Variants in TMEFF2 observed in about 807,000 individuals in gnomAD.
TMEFF2 encodes the protein transmembrane protein with EGF like and two follistatin like domains 2.
TMEFF2 carries 28 observed loss-of-function variants against 53.8 expected under a neutral mutation model. The ratio of observed to expected loss-of-function variants is 0.52; its 90% CI spans 0.39 to 0.71. The LOEUF is 0.71. Among genes scored for constraint, TMEFF2 ranks in the 30% least tolerant of loss-of-function variants. TMEFF2 has a pLI of 0.00. For synonymous variants in TMEFF2, 162 were observed against 166.3 expected (o/e 0.97, Z 0.20); for missense variants, 353 against 455.2 (o/e 0.78, Z 2.04).
At chr2:192,112,176 T>G (rs771009784) in intron 4 of TMEFF2, among the ~76,000 whole-genome samples, 5 of 152,162 alleles carry the variant, frequency 3.3e-5, no homozygotes, top group Non-Finnish European at 5.9e-5. Flanking sequence ...GTAGATCCAC[T>G]GACAGCTTGC....
intron 7 of TMEFF2, among the ~76,000 whole-genome samples, chr2:191,957,431 A>C (rs538800147): frequency 6.6e-6 from 1 of 152,310 alleles, no homozygotes; most frequent in Non-Finnish European, 1.5e-5. Context: ...GAAAATGGCA[A>C]ATGAATTCCT....
chr2:192,142,336 C>A (rs967219942), intron 4 of TMEFF2, among the ~76,000 whole-genome samples: 2 of 151,998 alleles, frequency 1.3e-5, no homozygotes, highest in Non-Finnish European at 2.9e-5. Context: ...GTTTGAAGAT[C>A]TGGCATATTT....
At chr2:192,114,100 G>T (rs1275748404) in intron 4 of TMEFF2, among the ~76,000 whole-genome samples, 1 of 150,192 alleles carries the variant, frequency 6.7e-6, no homozygotes, top group Non-Finnish European at 1.5e-5. Context: ...GTGTGTGTGT[G>T]TGTGTGTGAT....
Position 191,950,337 on chromosome 2 carries a change from TTGTATTGTCTGAAC to T in TMEFF2, c.1085_1098del (p.Ser362AsnfsTer60). The T allele has an allele frequency of 1.2e-6, 2 of 1,613,714 alleles. No homozygotes were observed. Among genetic ancestry groups the T allele is most frequent in the Non-Finnish European group, 1.7e-6 (2 of 1,179,774 alleles). On this transcript the variant is annotated frameshift_variant, in exon 10 of 10. Coordinates refer to ENST00000272771, the MANE Select transcript of TMEFF2 (RefSeq NM_016192.4). LOFTEE classifies it high-confidence loss of function. Reference sequence around the variant, plus strand: ...TAGATTAACCTCGTGGACGCTCTTGTTGTATTGTCTGAACTGTAGTGCCCTGTATTTTGCTTCTG... The same window carrying T: ...TAGATTAACCTCGTGGACGCTCTTGTTGTAGTGCCCTGTATTTTGCTTCTG...
chr2:192,165,168 G>A (rs886715398), intron 4 of TMEFF2, among the ~76,000 whole-genome samples: 33 of 152,104 alleles, frequency 2.2e-4, no homozygotes, highest in African/African-American at 7.0e-4. Context: ...ATTTTAATAT[G>A]AAAGTTTATA....
At chr2:192,124,905 C>T (rs1490245778) in intron 4 of TMEFF2, among the ~76,000 whole-genome samples, 6 of 152,168 alleles carry the variant, frequency 3.9e-5, no homozygotes, top group South Asian at 2.1e-4. Context: ...TTAGTCACTC[C>T]GCAAAACTGT....
chr2:192,192,250 A>G (rs1027537011), intron 1 of TMEFF2, among the ~76,000 whole-genome samples: 1 of 151,792 alleles, frequency 6.6e-6, no homozygotes, highest in African/African-American at 2.4e-5. Flanking sequence ...GCTTGCGTTA[A>G]TACTGACAGT....
chr2:192,041,243 A>T (rs1416394002), intron 5 of TMEFF2, among the ~76,000 whole-genome samples: 2 of 152,204 alleles, frequency 1.3e-5, no homozygotes, highest in Non-Finnish European at 2.9e-5. Flanking sequence ...GATTATATAT[A>T]TTTTTAAAAC....
intron 5 of TMEFF2, among the ~76,000 whole-genome samples, chr2:192,034,448 C>T (rs927971471): frequency 2.6e-5 from 4 of 152,122 alleles, no homozygotes; most frequent in African/African-American, 9.7e-5. Context: ...ATATGTTGCA[C>T]GTTGTAGGAA....
chr2:191,974,300 T>A (rs1425381973), intron 7 of TMEFF2, among the ~76,000 whole-genome samples: 4 of 152,136 alleles, frequency 2.6e-5, no homozygotes, highest in African/African-American at 9.7e-5. Context: ...GAGATTCCTA[T>A]GATTGCCTTC....
intron 5 of TMEFF2, among the ~76,000 whole-genome samples, chr2:192,028,236 A>G (rs764556074): frequency 1.3e-5 from 2 of 152,164 alleles, no homozygotes; most frequent in Non-Finnish European, 2.9e-5. Flanking sequence ...TTCCCCAGCC[A>G]TGTGGGACTG....
At chr2:192,053,248 T>G (rs866475839) in intron 5 of TMEFF2, among the ~76,000 whole-genome samples, 17 of 152,160 alleles carry the variant, frequency 1.1e-4, no homozygotes, top group African/African-American at 4.1e-4. Context: ...CCCTATTTAT[T>G]AATTTTTTTA....
intron 2 of TMEFF2, among the ~76,000 whole-genome samples, chr2:192,187,746 T>A (rs1464005839): frequency 6.6e-6 from 1 of 152,246 alleles, no homozygotes; most frequent in Non-Finnish European, 1.5e-5. Flanking sequence ...AATAAGTGTT[T>A]TTCAGTAGAA....
chr2:192,054,755 T>C (rs779854736), intron 5 of TMEFF2, among the ~76,000 whole-genome samples: 6 of 152,210 alleles, frequency 3.9e-5, no homozygotes, highest in Admixed American at 1.3e-4. Context: ...TGAATTGTTA[T>C]GCTAACAACC....
chr2:192,009,099 A>G (rs1433936126), intron 5 of TMEFF2, among the ~76,000 whole-genome samples: 2 of 152,202 alleles, frequency 1.3e-5, no homozygotes, highest in African/African-American at 2.4e-5. Flanking sequence ...AACACTCATG[A>G]TAATTATTTT....
chr2:192,086,961 T>C (rs577709081), intron 4 of TMEFF2, among the ~76,000 whole-genome samples: 1 of 151,828 alleles, frequency 6.6e-6, no homozygotes. Flanking sequence ...CTTTTCAACA[T>C]TAAAAAATTT....
At chr2:191,974,130 A>G (rs1218787688) in intron 7 of TMEFF2, among the ~76,000 whole-genome samples, 2 of 152,152 alleles carry the variant, frequency 1.3e-5, no homozygotes, top group African/African-American at 2.4e-5. Context: ...TTTCTTCACA[A>G]TTTTTCAGTG....
At position 192,057,871 on chromosome 2, in the gene TMEFF2, A is replaced by G. The variant is rs1687949614; in HGVS notation, c.440-96T>C. Reference sequence around the variant, plus strand: ...TTTAATTAAAGCTGCTACTTTCCCAATGGACCTGTCTGCTATTGAAGCTTC... The same window carrying G: ...TTTAATTAAAGCTGCTACTTTCCCAGTGGACCTGTCTGCTATTGAAGCTTC... On this transcript the variant is annotated intron_variant, in intron 4 of 9. Coordinates refer to ENST00000272771, the MANE Select transcript of TMEFF2 (RefSeq NM_016192.4). The G allele has an allele frequency of 1.5e-5, 15 of 968,244 alleles. No individual in the cohort carries two copies. The Admixed American group carries it at 1.6e-4, about 11-fold the overall frequency. 60.0% of individuals were successfully genotyped at this position (968,244 alleles called of 1,614,324 possible). A position where few individuals can be genotyped will look rare whatever the true frequency, so the allele number is the denominator to read the frequency against.
At chr2:192,157,965 G>A (rs537693311) in intron 4 of TMEFF2, among the ~76,000 whole-genome samples, 11 of 151,828 alleles carry the variant, frequency 7.2e-5, no homozygotes, top group African/African-American at 1.9e-4. Flanking sequence ...TTCCTTGTTC[G>A]TTTGCCAAGT....
Sources: allele counts gnomAD v4.1 joint callset (sites outside exome capture counted in the v4.1 genomes callset), GRCh38; gene constraint gnomAD v4.1.1; transcripts MANE v1.5; gene names NCBI Gene and HGNC (gene_info 2026-07-23, HGNC 2026-07-21).